The following DUSP16 variants were observed in gnomAD, a reference collection of about 807,000 sequenced individuals.
DUSP16 encodes dual specificity protein phosphatase 16.
Under a neutral mutation model 58.3 loss-of-function variants are expected in DUSP16, and 21 were observed. The observed-to-expected ratio is 0.36, with a 90% CI of 0.26 to 0.52. The LOEUF is 0.52. DUSP16 is among the 20% of genes least tolerant of loss of function. DUSP16 has a pLI of 0.94. For synonymous variants in DUSP16, 320 were observed against 323.8 expected (o/e 0.99, Z 0.12); for missense variants, 726 against 819.0 (o/e 0.89, Z 1.39).
chr12:12,479,026 C>T (rs1217402148), intron 6 of DUSP16, among the ~76,000 whole-genome samples: 2 of 152,024 alleles, frequency 1.3e-5, no homozygotes, highest in Admixed American at 6.6e-5. Context: ...AATCACACAG[C>T]TACTAAATGA....
At chr12:12,535,486 A>G (rs113978506) in intron 1 of DUSP16, among the ~76,000 whole-genome samples, 1,782 of 152,152 alleles carry the variant, frequency 0.012, 37 homozygotes, top group African/African-American at 0.041. Context: ...TTGGCCCTCT[A>G]TAATTCTGGG....
chr12:12,499,349 AG>A (rs1565995985), intron 4 of DUSP16, among the ~76,000 whole-genome samples: 1 of 152,230 alleles, frequency 6.6e-6, no homozygotes, highest in African/African-American at 2.4e-5. Context: ...GCACACTCAA[AG>A]GCATTGTGAC....
Position 12,519,860 on chromosome 12 carries a change from A to C in DUSP16, c.367+2T>G, listed in dbSNP as rs1360417101. The stretch of plus-strand genomic sequence containing the variant: ...TCCTTTTAATTCCATCACGAGCCTT[A>C]CCTGCAAGCAGGTGAACAGAGTTGA... On this transcript the variant is annotated splice_donor_variant, in intron 3 of 6. Transcript: ENST00000298573. LOFTEE classifies it high-confidence loss of function. 1.2e-6 allele frequency: 2 copies of C among 1,614,034 alleles called. No individual in the cohort carries two copies. Among genetic ancestry groups the C allele is most frequent in the Non-Finnish European group, 1.7e-6 (2 of 1,179,928 alleles).
intron 1 of DUSP16, among the ~76,000 whole-genome samples, chr12:12,526,685 T>A (rs1185470028): frequency 1.3e-5 from 2 of 152,202 alleles, no homozygotes; most frequent in African/African-American, 2.4e-5. Flanking sequence ...ATATTAAGGA[T>A]CTTCTTCTGC....
chr12:12,551,710 C>T (rs1484906980), intron 1 of DUSP16, among the ~76,000 whole-genome samples: 2 of 136,448 alleles, frequency 1.5e-5, no homozygotes, highest in South Asian at 2.3e-4. Flanking sequence ...TTTTTTTTTC[C>T]GAGATGGAAT....
At chr12:12,497,293 G>A (rs1353639789) in intron 4 of DUSP16, among the ~76,000 whole-genome samples, 2 of 152,184 alleles carry the variant, frequency 1.3e-5, no homozygotes, top group African/African-American at 4.8e-5. Flanking sequence ...TACTGGTATA[G>A]ATGATGTTGC....
At position 12,493,627 on chromosome 12, in the gene DUSP16, C is replaced by T. The variant is rs73291612; in HGVS notation, c.532-6440G>A. Among the ~76,000 whole-genome samples, 429 of 152,256 alleles carry T rather than the reference C, an allele frequency of 2.8e-3. 2 individuals carry two copies. Among genetic ancestry groups the T allele is most frequent in the African/African-American group, 9.9e-3 (410 of 41,542 alleles). ...ACACTCTCCCATGCTCACTCTGCTC[C>T]AGCCACACTGGCCTCGCTCTTCCTT... On this transcript the variant is annotated intron_variant, in intron 4 of 6. Coordinates refer to ENST00000298573, the MANE Select transcript of DUSP16 (RefSeq NM_030640.3).
chr12:12,554,805 A>T (rs1019634248), intron 1 of DUSP16: 1 of 152,096 alleles, frequency 6.6e-6, no homozygotes, highest in African/African-American at 2.4e-5. Context: ...AACTGTCTCA[A>T]TTAAAAAAAA....
intron 4 of DUSP16, among the ~76,000 whole-genome samples, chr12:12,493,769 C>T (rs1943793073): frequency 6.6e-6 from 1 of 152,182 alleles, no homozygotes; most frequent in South Asian, 2.1e-4. Context: ...ATGCCTCTAT[C>T]TCAATTAGGC....
chr12:12,502,984 T>C (rs1270523535), intron 3 of DUSP16, among the ~76,000 whole-genome samples: 1 of 152,146 alleles, frequency 6.6e-6, no homozygotes, highest in African/African-American at 2.4e-5. Context: ...CCCATGATCA[T>C]ACAGCAGAGG....
chr12:12,545,821 A>C (rs1432957109), intron 1 of DUSP16, among the ~76,000 whole-genome samples: 3 of 152,224 alleles, frequency 2.0e-5, no homozygotes, highest in Non-Finnish European at 2.9e-5. Context: ...GATATCCTAT[A>C]AACTACAATC....
chr12:12,517,152 A>G (rs947810498), intron 3 of DUSP16, among the ~76,000 whole-genome samples: 7 of 152,222 alleles, frequency 4.6e-5, no homozygotes, highest in Admixed American at 3.9e-4. Context: ...TGGGGCCACA[A>G]TTCCTCACTG....
intron 1 of DUSP16, among the ~76,000 whole-genome samples, chr12:12,543,046 T>C (rs1169258466): frequency 6.6e-6 from 1 of 152,122 alleles, no homozygotes; most frequent in Non-Finnish European, 1.5e-5. Flanking sequence ...ATCTCAGACT[T>C]TTAGCCTTCA....
intron 5 of DUSP16, among the ~76,000 whole-genome samples, chr12:12,483,852 C>T (rs1316467326): frequency 6.6e-6 from 1 of 151,666 alleles, no homozygotes; most frequent in Non-Finnish European, 1.5e-5. Context: ...ATAACAACAA[C>T]AAAAAAGAAA....
intron 4 of DUSP16, among the ~76,000 whole-genome samples, chr12:12,498,469 C>T (rs1943863848): frequency 6.6e-6 from 1 of 151,628 alleles, no homozygotes; most frequent in Admixed American, 6.6e-5. Flanking sequence ...GGCTAGAGTA[C>T]ACTGGCACAA....
intron 1 of DUSP16, among the ~76,000 whole-genome samples, chr12:12,557,782 C>T (rs1052259991): frequency 6.6e-6 from 1 of 152,188 alleles, no homozygotes; most frequent in African/African-American, 2.4e-5. Flanking sequence ...CCTGTCTTCT[C>T]CCACTAGAAT....
intron 1 of DUSP16, among the ~76,000 whole-genome samples, chr12:12,534,172 A>G (rs1473610286): frequency 6.6e-6 from 1 of 152,242 alleles, no homozygotes; most frequent in Non-Finnish European, 1.5e-5. Flanking sequence ...AGGTAAGGAA[A>G]AAAGAAAGGG....
At chr12:12,552,864 T>G (rs1372458206) in intron 1 of DUSP16, among the ~76,000 whole-genome samples, 1 of 152,146 alleles carries the variant, frequency 6.6e-6, no homozygotes, top group Non-Finnish European at 1.5e-5. Context: ...CACTGCAACC[T>G]CTGCCTCCCG....
At chr12:12,485,194 G>T (rs1379837837) in intron 5 of DUSP16, among the ~76,000 whole-genome samples, 1 of 151,246 alleles carries the variant, frequency 6.6e-6, no homozygotes, top group Non-Finnish European at 1.5e-5. Flanking sequence ...ATTTTTAGTA[G>T]AGGTGGGGTT....
Sources: allele counts gnomAD v4.1 joint callset (sites outside exome capture counted in the v4.1 genomes callset), GRCh38; gene constraint gnomAD v4.1.1; transcripts MANE v1.5; gene names NCBI Gene and HGNC (gene_info 2026-07-23, HGNC 2026-07-21).